GHR: variants seen among roughly 807,000 people sequenced by gnomAD.
GHR encodes the protein growth hormone receptor, also known as GH receptor.
A neutral mutation model predicts 67.1 loss-of-function variants in GHR; 35 were observed. That is an observed-to-expected ratio of 0.52 (90% CI 0.40 to 0.69). The LOEUF (loss-of-function observed/expected upper bound fraction) is 0.69. Ranked by LOEUF, GHR falls within the 30% of genes least tolerant of loss-of-function variation. GHR has a pLI of 0.00. For synonymous variants in GHR, 272 were observed against 269.1 expected, an observed-to-expected ratio of 1.01 and a Z score of -0.10; for missense variants, 792 against 764.6, an observed-to-expected ratio of 1.04 and a Z score of -0.42.
chr5:42,505,365 A>G (rs1746726042), intron 1 of GHR, among the ~76,000 whole-genome samples: 1 of 151,714 alleles, frequency 6.6e-6, no homozygotes, highest in South Asian at 2.1e-4. Context: ...TGCTTTTACA[A>G]GTAATTTTTT....
chr5:42,426,020 T>C (rs773882568), intron 1 of GHR, among the ~76,000 whole-genome samples: 1 of 152,156 alleles, frequency 6.6e-6, no homozygotes, highest in African/African-American at 2.4e-5. Context: ...TTTGGGCCCA[T>C]GTTTTTTATT....
intron 2 of GHR, among the ~76,000 whole-genome samples, chr5:42,592,176 C>T (rs1410383392): frequency 1.3e-5 from 2 of 152,218 alleles, no homozygotes; most frequent in African/African-American, 4.8e-5. Flanking sequence ...TGAATCTTCA[C>T]ATGCTGCTCT....
At chr5:42,662,972 C>A (rs1755731643) in intron 3 of GHR, among the ~76,000 whole-genome samples, 1 of 152,158 alleles carries the variant, frequency 6.6e-6, no homozygotes, top group African/African-American at 2.4e-5. Context: ...AACACCTCTA[C>A]ACAAATAAAC....
At chr5:42,686,173 T>C (rs1432057012) in intron 3 of GHR, among the ~76,000 whole-genome samples, 1 of 152,206 alleles carries the variant, frequency 6.6e-6, no homozygotes, top group African/African-American at 2.4e-5. Flanking sequence ...TAGCCAGTTT[T>C]CCCAACACCA....
At chr5:42,638,191 A>C (rs1382678847) in intron 3 of GHR, among the ~76,000 whole-genome samples, 2 of 151,494 alleles carry the variant, frequency 1.3e-5, no homozygotes, top group East Asian at 3.9e-4. Flanking sequence ...TGCCCCCCTC[A>C]GCATCCCAAA....
In GHR at chr5:42,534,242, A is replaced by ATATG. The variant is rs1209507721; in HGVS notation, c.-11-31618_-11-31615dup. Among the ~76,000 whole-genome samples the ATATG allele has an allele frequency of 2.0e-3, 212 of 107,080 alleles. 4 individuals carry two copies. Among genetic ancestry groups the ATATG allele is most frequent in the African/African-American group, 9.1e-3 (186 of 20,422 alleles). 70.2% of individuals were successfully genotyped at this position (107,080 alleles called of 152,430 possible). A position where few individuals can be genotyped will look rare whatever the true frequency, so the allele number is the denominator to read the frequency against. On this transcript the variant is annotated intron_variant, in intron 1 of 9. Coordinates refer to ENST00000230882, the MANE Select transcript of GHR (RefSeq NM_000163.5). ...TATATGTACATGTGTATATGTGTAT[A>ATATG]TATGTATATATGTACATGTGTATAT...
rs1382649200 is a variant in GHR, at chr5:42,668,453, C to A, written c.137-20437C>A. Among the ~76,000 whole-genome samples, 3 of 152,100 alleles carry A rather than the reference C, an allele frequency of 2.0e-5. No individual in the cohort carries two copies. The South Asian group carries it at 6.2e-4, about 31-fold the overall frequency. ...TAGATGCCAGTATCACCCTTTACCC[C>A]AGTCTTGAGAACCAAAAATGTCTCC... On this transcript the variant is annotated intron_variant, in intron 3 of 9. Transcript: ENST00000230882.
At chr5:42,644,064 A>G (rs1206754410) in intron 3 of GHR, among the ~76,000 whole-genome samples, 1 of 152,168 alleles carries the variant, frequency 6.6e-6, no homozygotes, top group Non-Finnish European at 1.5e-5. Flanking sequence ...AAATCACTAC[A>G]TTACAAACTC....
intron 1 of GHR, among the ~76,000 whole-genome samples, chr5:42,449,898 T>G (rs1743973674): frequency 6.6e-6 from 1 of 152,222 alleles, no homozygotes; most frequent in South Asian, 2.1e-4. Flanking sequence ...ATATGATTTT[T>G]GTTTTTAATT....
At chr5:42,588,203 G>A (rs1263345610) in intron 2 of GHR, among the ~76,000 whole-genome samples, 2 of 152,122 alleles carry the variant, frequency 1.3e-5, no homozygotes, top group East Asian at 3.9e-4. Flanking sequence ...AGGTCAGGCA[G>A]TGGTGGATGG....
intron 1 of GHR, among the ~76,000 whole-genome samples, chr5:42,559,080 A>G (rs1463458413): frequency 6.6e-6 from 1 of 152,246 alleles, no homozygotes; most frequent in East Asian, 1.9e-4. Flanking sequence ...AAGTGGGTTC[A>G]TATATCCAAT....
intron 2 of GHR, among the ~76,000 whole-genome samples, chr5:42,608,620 C>T (rs1158210652): frequency 2.0e-5 from 3 of 152,026 alleles, no homozygotes; most frequent in Non-Finnish European, 2.9e-5. Flanking sequence ...TTGAAAGACA[C>T]TAATTAATAA....
intron 1 of GHR, among the ~76,000 whole-genome samples, chr5:42,489,377 T>C (rs1235322614): frequency 6.6e-6 from 1 of 152,218 alleles, no homozygotes; most frequent in Non-Finnish European, 1.5e-5. Context: ...AAGTAGAATA[T>C]GAAATTGAAA....
chr5:42,451,938 AT>A (rs1258825408), intron 1 of GHR, among the ~76,000 whole-genome samples: 1 of 152,098 alleles, frequency 6.6e-6, no homozygotes, highest in Non-Finnish European at 1.5e-5. Flanking sequence ...GTACTGTTCT[AT>A]TCATTATGTT....
At chr5:42,452,601 C>A (rs374055842) in intron 1 of GHR, among the ~76,000 whole-genome samples, 3 of 151,886 alleles carry the variant, frequency 2.0e-5, no homozygotes, top group East Asian at 1.9e-4. Flanking sequence ...TTTAAAAATT[C>A]TTTTTTCTTT....
chr5:42,517,933 T>C (rs1427613515), intron 1 of GHR, among the ~76,000 whole-genome samples: 1 of 152,034 alleles, frequency 6.6e-6, no homozygotes, highest in African/African-American at 2.4e-5. Flanking sequence ...CTTCCTGATA[T>C]TCTTTTGACC....
chr5:42,476,878 T>C (rs540248511), intron 1 of GHR, among the ~76,000 whole-genome samples: 1 of 152,172 alleles, frequency 6.6e-6, no homozygotes, highest in Non-Finnish European at 1.5e-5. Flanking sequence ...TTTCTTTTTT[T>C]AAAAAATTTT....
chr5:42,424,171 AGTGTGTGTGTGTGTGTGTGT>A lies in GHR; in HGVS notation c.-12+245_-12+264del, dbSNP rs1158830359. On this transcript the variant is annotated intron_variant, in intron 1 of 9. Transcript: ENST00000230882. The surrounding 1 kb of genome is among the most constrained non-coding windows in gnomAD (Gnocchi z 4.1). ...CTGGTGGGTTGTTGTAACCCAATCT[AGTGTGTGTGTGTGTGTGTGT>A]GTGTGTGTGTGTGTGTGTGTGTGTG... 2.0e-5 allele frequency among the ~76,000 whole-genome samples: 2 copies of A among 100,510 alleles called. No individual in the cohort carries two copies. Among genetic ancestry groups the A allele is most frequent in the Admixed American group, 9.7e-5 (1 of 10,340 alleles). The allele number at this position is 100,510 out of a possible 152,430, so 65.9% of individuals were successfully genotyped here. A position where few individuals can be genotyped will look rare whatever the true frequency, so the allele number is the denominator to read the frequency against.
chr5:42,662,332 C>T (rs922638874), intron 3 of GHR, among the ~76,000 whole-genome samples: 1 of 152,104 alleles, frequency 6.6e-6, no homozygotes, highest in African/African-American at 2.4e-5. Context: ...ACACCTATTC[C>T]AAAATTGACC....
Sources: gnomAD v4.1 joint callset for allele counts (sites outside exome capture counted in the v4.1 genomes callset) on GRCh38, gnomAD v4.1.1 for gene constraint, Gnocchi (gnomAD v3.1) non-coding constraint, MANE v1.5 for transcripts, NCBI Gene and HGNC (gene_info 2026-07-23, HGNC 2026-07-21) for gene names.